The following SLC35F3 variants were observed in gnomAD, a reference collection of about 807,000 sequenced individuals.
SLC35F3 encodes the protein putative thiamine transporter SLC35F3.
In SLC35F3, 25 loss-of-function variants were observed where a neutral mutation model predicts 49.9. The observed-to-expected ratio is 0.50, with a 90% CI of 0.37 to 0.70. SLC35F3 has a LOEUF of 0.70. Among genes scored for constraint, SLC35F3 ranks in the 30% least tolerant of loss-of-function variants. The pLI, the probability that SLC35F3 is intolerant of heterozygous loss-of-function variation, is 0.00. For missense variants in SLC35F3, 525 were observed against 639.8 expected, an observed-to-expected ratio of 0.82 and a Z score of 1.94; for synonymous variants, 275 against 265.4, an observed-to-expected ratio of 1.04 and a Z score of -0.35.
intron 3 of SLC35F3, among the ~76,000 whole-genome samples, chr1:234,270,307 C>G (rs1468877534): frequency 6.6e-6 from 1 of 152,150 alleles, no homozygotes. Context: ...GCCAGTGAGT[C>G]ATAAAATCAT....
At position 234,304,385 on chromosome 1, in the gene SLC35F3, A is replaced by G. The variant is rs370899857; in HGVS notation, c.609-4716A>G. Among the ~76,000 whole-genome samples the G allele has an allele frequency of 1.4e-4, 22 of 151,756 alleles. 1 individual carries two copies. In the East Asian group the frequency reaches 3.9e-3, roughly 27 times the overall value. The stretch of plus-strand genomic sequence containing the variant: ...ACCATATTGGCCAGGCTGGTCTTGA[A>G]CTCCTGACCTCAAGTGATCTGCCCG... On this transcript the variant is annotated intron_variant, in intron 3 of 7. Transcript: ENST00000366618.
chr1:233,994,131 G>A (rs780525459), intron 2 of SLC35F3, among the ~76,000 whole-genome samples: 34 of 152,276 alleles, frequency 2.2e-4, no homozygotes, highest in Non-Finnish European at 2.8e-4. Context: ...TTGTCTTGCC[G>A]TGTTATTGGC....
At chr1:234,051,999 C>G (rs968833844) in intron 2 of SLC35F3, among the ~76,000 whole-genome samples, 1 of 152,140 alleles carries the variant, frequency 6.6e-6, no homozygotes, top group African/African-American at 2.4e-5. Context: ...CCAACTTGAT[C>G]GTGGTGGATA....
rs1234584580 is a variant in SLC35F3, at chr1:234,161,525, C to CTCATGCCTGTAATCCCAGCT, written c.284-69892_284-69891insTCATGCCTGTAATCCCAGCT. On this transcript the variant is annotated intron_variant, in intron 2 of 7. Coordinates refer to ENST00000366618, the MANE Select transcript of SLC35F3 (RefSeq NM_173508.4). Reference sequence around the variant, plus strand: ...CCTGTAATCCCAGCTCTTTGTGAGGCCAAGGCAGGCAGATCACTTGAGCCC... The same window carrying CTCATGCCTGTAATCCCAGCT: ...CCTGTAATCCCAGCTCTTTGTGAGGCTCATGCCTGTAATCCCAGCTCAAGGCAGGCAGATCACTTGAGCCC... Among the ~76,000 whole-genome samples the CTCATGCCTGTAATCCCAGCT allele has an allele frequency of 2.6e-5, 4 of 152,216 alleles. No homozygotes were observed. In the East Asian group the frequency reaches 7.7e-4, roughly 29 times the overall value.
intron 2 of SLC35F3, among the ~76,000 whole-genome samples, chr1:234,010,898 C>T (rs1034287620): frequency 1.3e-5 from 2 of 152,122 alleles, no homozygotes; most frequent in African/African-American, 2.4e-5. Context: ...GTCAATTCAT[C>T]AAAAGGATAT....
chr1:234,239,318 C>T (rs544043966), intron 3 of SLC35F3, among the ~76,000 whole-genome samples: 3 of 152,272 alleles, frequency 2.0e-5, no homozygotes, highest in South Asian at 2.1e-4. Flanking sequence ...CAAGTGTGTA[C>T]GGATTTGCAG....
chr1:233,998,312 G>A (rs1663495707), intron 2 of SLC35F3, among the ~76,000 whole-genome samples: 2 of 151,908 alleles, frequency 1.3e-5, no homozygotes, highest in African/African-American at 4.8e-5. Context: ...CATATGTGTT[G>A]CAAATATGAT....
intron 2 of SLC35F3, among the ~76,000 whole-genome samples, chr1:234,102,286 A>C (rs1665225317): frequency 6.6e-6 from 1 of 152,228 alleles, no homozygotes; most frequent in African/African-American, 2.4e-5. Flanking sequence ...ACAAGAGCTC[A>C]GGATGGATTC....
At chr1:234,157,306 C>T (rs1666169405) in intron 2 of SLC35F3, among the ~76,000 whole-genome samples, 1 of 152,048 alleles carries the variant, frequency 6.6e-6, no homozygotes, top group Admixed American at 6.6e-5. Flanking sequence ...CTCCTGCAGT[C>T]GACTTTCCAC....
chr1:233,965,432 A>G (rs1662887936), intron 2 of SLC35F3, among the ~76,000 whole-genome samples: 1 of 152,202 alleles, frequency 6.6e-6, no homozygotes, highest in African/African-American at 2.4e-5. Flanking sequence ...AATAGAATAC[A>G]GCAAAAAGAG....
At chr1:234,311,617 T>C (rs572322079) in intron 4 of SLC35F3, among the ~76,000 whole-genome samples, 94 of 152,320 alleles carry the variant, frequency 6.2e-4, no homozygotes, top group African/African-American at 2.1e-3. Flanking sequence ...TGTGCGCAGA[T>C]CCAAAAGGAA....
intron 2 of SLC35F3, among the ~76,000 whole-genome samples, chr1:233,931,413 T>G (rs939543309): frequency 6.6e-6 from 1 of 152,138 alleles, no homozygotes; most frequent in Admixed American, 6.5e-5. Context: ...ATACCCAGAA[T>G]CTACAAAGAA....
intron 4 of SLC35F3, among the ~76,000 whole-genome samples, chr1:234,314,308 G>A (rs1220274431): frequency 6.6e-6 from 1 of 152,176 alleles, no homozygotes; most frequent in Non-Finnish European, 1.5e-5. Context: ...TGCAGCCCAG[G>A]CAGAAGCTTT....
At chr1:234,162,304 C>A (rs570799290) in intron 2 of SLC35F3, among the ~76,000 whole-genome samples, 12 of 143,282 alleles carry the variant, frequency 8.4e-5, no homozygotes, top group Middle Eastern at 3.7e-3. Flanking sequence ...CTCTTCCCTG[C>A]CCCACTCTCA....
At chr1:233,964,091 C>G (rs953768037) in intron 2 of SLC35F3, among the ~76,000 whole-genome samples, 4 of 152,188 alleles carry the variant, frequency 2.6e-5, no homozygotes, top group African/African-American at 9.6e-5. Context: ...TTGGGACCTC[C>G]TAATACTCTG....
At chr1:234,213,553 G>A (rs1048934879) in intron 2 of SLC35F3, 9 of 152,260 alleles carry the variant, frequency 5.9e-5, no homozygotes, top group African/African-American at 2.2e-4. Flanking sequence ...TGATGCAATA[G>A]GTATATGTCA....
At chr1:234,130,539 T>G (rs1665719356) in intron 2 of SLC35F3, among the ~76,000 whole-genome samples, 1 of 149,936 alleles carries the variant, frequency 6.7e-6, no homozygotes, top group East Asian at 1.9e-4. Context: ...CTTGGGAGGC[T>G]GAGGCAGGAG....
At chr1:234,242,895 G>A (rs1667575922) in intron 3 of SLC35F3, among the ~76,000 whole-genome samples, 1 of 152,152 alleles carries the variant, frequency 6.6e-6, no homozygotes, top group Admixed American at 6.5e-5. Context: ...ACACTAGATA[G>A]CATTATTTTG....
chr1:234,068,368 C>T (rs552120713), intron 2 of SLC35F3, among the ~76,000 whole-genome samples: 2 of 152,266 alleles, frequency 1.3e-5, no homozygotes, highest in East Asian at 3.9e-4. Flanking sequence ...CAGCCAGATG[C>T]AGTCAAGGGT....
Sources: gnomAD v4.1 joint callset for allele counts (sites outside exome capture counted in the v4.1 genomes callset) on GRCh38, gnomAD v4.1.1 for gene constraint, MANE v1.5 for transcripts, NCBI Gene and HGNC (gene_info 2026-07-23, HGNC 2026-07-21) for gene names.